ARHGAP15: variants seen among roughly 807,000 people sequenced by gnomAD.
ARHGAP15 encodes the protein Rho GTPase activating protein 15, also known as rho GTPase-activating protein 15.
In ARHGAP15, 51 loss-of-function variants were observed where a neutral mutation model predicts 63.7. The observed-to-expected ratio is 0.80, with a 90% CI of 0.64 to 1.01. ARHGAP15 has a LOEUF of 1.01. Among genes scored for constraint, ARHGAP15 ranks in the 50% least tolerant of loss-of-function variants. ARHGAP15 has a pLI of 0.00. For missense variants in ARHGAP15, 560 were observed against 564.6 expected (o/e 0.99, Z 0.08); for synonymous variants, 191 against 193.8 (o/e 0.99, Z 0.12).
At chr2:143,504,251 A>T (rs1361235550) in intron 9 of ARHGAP15, among the ~76,000 whole-genome samples, 1 of 152,140 alleles carries the variant, frequency 6.6e-6, no homozygotes, top group African/African-American at 2.4e-5. Flanking sequence ...TTCATTTAAT[A>T]TTTTTTATTT....
chr2:143,639,458 T>C (rs952168111), intron 12 of ARHGAP15, among the ~76,000 whole-genome samples: 5 of 152,152 alleles, frequency 3.3e-5, no homozygotes, highest in African/African-American at 1.2e-4. Flanking sequence ...TGGAGAAGGC[T>C]AAAGGATATG....
At chr2:143,663,930 C>T (rs1192069487) in intron 12 of ARHGAP15, among the ~76,000 whole-genome samples, 1 of 152,076 alleles carries the variant, frequency 6.6e-6, no homozygotes, top group Non-Finnish European at 1.5e-5. Flanking sequence ...GAGTGACCTA[C>T]AAAGAGATTT....
intron 11 of ARHGAP15, among the ~76,000 whole-genome samples, chr2:143,605,635 G>A (rs972288371): frequency 4.0e-5 from 6 of 151,864 alleles, no homozygotes; most frequent in African/African-American, 9.7e-5. Context: ...AATCAGATTC[G>A]CGGCATTTAA....
intron 3 of ARHGAP15, among the ~76,000 whole-genome samples, chr2:143,203,056 A>G (rs1456581326): frequency 6.6e-6 from 1 of 152,008 alleles, no homozygotes; most frequent in Non-Finnish European, 1.5e-5. Flanking sequence ...GCTATATTTC[A>G]TATTGGTCAA....
rs535766801 is a variant in ARHGAP15, at chr2:143,614,287, T to C, written c.1004-9846T>C. ...GTTATATAATAACATTTACCGTACT[T>C]GATTACATTTTTTTCTATTTGACCA... On this transcript the variant is annotated intron_variant, in intron 11 of 13. Transcript: ENST00000295095. Among the ~76,000 whole-genome samples, 21 of 152,320 alleles carry C rather than the reference T, an allele frequency of 1.4e-4. No homozygotes were observed. In the South Asian group the frequency reaches 4.1e-3, roughly 30 times the overall value.
rs377652515 is a variant in ARHGAP15, at chr2:143,298,234, G to C, written c.474+47634G>C. 7.2e-5 allele frequency among the ~76,000 whole-genome samples: 11 copies of C among 151,976 alleles called. No homozygotes were observed. In the East Asian group the frequency reaches 2.1e-3, roughly 30 times the overall value. Reference sequence around the variant, plus strand: ...CGTATGTATTGCTATAGAGATATTAGTACTTCAATCCACACTATGAATTCC... The same window carrying C: ...CGTATGTATTGCTATAGAGATATTACTACTTCAATCCACACTATGAATTCC... On this transcript the variant is annotated intron_variant, in intron 6 of 13. Coordinates refer to ENST00000295095, the MANE Select transcript of ARHGAP15 (RefSeq NM_018460.4).
At chr2:143,374,951 T>C (rs1382326526) in intron 6 of ARHGAP15, among the ~76,000 whole-genome samples, 1 of 152,076 alleles carries the variant, frequency 6.6e-6, no homozygotes, top group Non-Finnish European at 1.5e-5. Context: ...AAAGGGAAAA[T>C]AAATGAATAT....
At chr2:143,465,904 A>G (rs1691182199) in intron 8 of ARHGAP15, among the ~76,000 whole-genome samples, 2 of 152,128 alleles carry the variant, frequency 1.3e-5, no homozygotes, top group Admixed American at 1.3e-4. Context: ...AAAGACAAAA[A>G]GTCCCTTGCA....
chr2:143,443,618 T>G (rs564244850), intron 8 of ARHGAP15, among the ~76,000 whole-genome samples: 3 of 152,246 alleles, frequency 2.0e-5, no homozygotes, highest in African/African-American at 7.2e-5. Context: ...TTTTCACAGG[T>G]TGAGAGTTAC....
At chr2:143,203,156 G>A (rs1216639726) in intron 3 of ARHGAP15, among the ~76,000 whole-genome samples, 1 of 151,878 alleles carries the variant, frequency 6.6e-6, no homozygotes, top group Non-Finnish European at 1.5e-5. Flanking sequence ...TGTTATCTTT[G>A]GGATGTCCCA....
chr2:143,378,617 G>GT (rs536106256), intron 6 of ARHGAP15, among the ~76,000 whole-genome samples: 28 of 152,034 alleles, frequency 1.8e-4, no homozygotes, highest in African/African-American at 6.3e-4. Context: ...ATTTTAGCCA[G>GT]TTTTTTCCAA....
At chr2:143,197,172 T>A (rs563665952) in intron 2 of ARHGAP15, among the ~76,000 whole-genome samples, 6 of 152,116 alleles carry the variant, frequency 3.9e-5, no homozygotes, top group Admixed American at 2.6e-4. Context: ...TCTGCAATAC[T>A]GGTAGTAGAG....
At chr2:143,625,023 C>T (rs1327081776) in intron 12 of ARHGAP15, among the ~76,000 whole-genome samples, 4 of 152,074 alleles carry the variant, frequency 2.6e-5, no homozygotes. Flanking sequence ...CTTGGAGAAG[C>T]AACTACTGGT....
chr2:143,235,977 G>C, intron 5 of ARHGAP15: 1 of 1,544,532 alleles, frequency 6.5e-7, no homozygotes, highest in Non-Finnish European at 8.7e-7. Context: ...GGAGGCACCT[G>C]ACCATGTTCA....
chr2:143,395,936 C>G (rs1687737855), intron 6 of ARHGAP15, among the ~76,000 whole-genome samples: 2 of 151,838 alleles, frequency 1.3e-5, no homozygotes, highest in Non-Finnish European at 2.9e-5. Flanking sequence ...TCCTGGTGTG[C>G]AGGGTACAGA....
In ARHGAP15 at chr2:143,215,620, G is replaced by T. The variant is rs943188640; in HGVS notation, c.235-764G>T. 2.0e-5 allele frequency among the ~76,000 whole-genome samples: 3 copies of T among 152,260 alleles called. No individual in the cohort carries two copies. In the East Asian group the frequency reaches 5.8e-4, roughly 29 times the overall value. ...GACTTGGGATGGGGCATGTGAGGCA[G>T]ACACAGGAGGGTAGAAATAGGATGC... On this transcript the variant is annotated intron_variant, in intron 3 of 13. Transcript: ENST00000295095.
intron 11 of ARHGAP15, among the ~76,000 whole-genome samples, chr2:143,588,318 C>A (rs554311760): frequency 6.6e-6 from 1 of 152,164 alleles, no homozygotes; most frequent in Non-Finnish European, 1.5e-5. Flanking sequence ...TACTCCACTG[C>A]ATCCCAATTT....
intron 8 of ARHGAP15, among the ~76,000 whole-genome samples, chr2:143,482,070 T>C (rs1005675372): frequency 2.0e-5 from 3 of 152,162 alleles, no homozygotes; most frequent in African/African-American, 7.2e-5. Context: ...AAAGGAAATA[T>C]AAGTAAATTC....
intron 12 of ARHGAP15, among the ~76,000 whole-genome samples, chr2:143,684,156 G>A (rs1683224177): frequency 1.3e-5 from 2 of 152,098 alleles, no homozygotes; most frequent in Non-Finnish European, 2.9e-5. Flanking sequence ...TCACATCTGG[G>A]TTCAGTCTAG....
Sources: gnomAD v4.1 joint callset for allele counts (sites outside exome capture counted in the v4.1 genomes callset) on GRCh38, gnomAD v4.1.1 for gene constraint, MANE v1.5 for transcripts, NCBI Gene and HGNC (gene_info 2026-07-23, HGNC 2026-07-21) for gene names.